Variants in YAP1 observed in about 807,000 individuals in gnomAD.
YAP1 encodes Yes1 associated transcriptional regulator.
A neutral mutation model predicts 56.9 loss-of-function variants in YAP1; 5 were observed. That is an observed-to-expected ratio of 0.09 (90% CI 0.05 to 0.18). The LOEUF is 0.18. Among genes scored for constraint, YAP1 ranks in the 10% least tolerant of loss-of-function variants. The probability of loss-of-function intolerance (pLI) is 1.00; values close to 1 mark genes in which losing one functional copy is unlikely to be tolerated. For missense variants in YAP1, 539 were observed against 651.8 expected (o/e 0.83, Z 1.88); for synonymous variants, 265 against 248.1 (o/e 1.07, Z -0.64).
intron 3 of YAP1, among the ~76,000 whole-genome samples, chr11:102,171,568 A>G (rs11225153): frequency 0.39 from 59,125 of 152,062 alleles, 12,291 homozygotes; most frequent in East Asian, 0.61. Context: ...GCTAATCTTT[A>G]ATAAATAAAC....
intron 4 of YAP1, among the ~76,000 whole-genome samples, chr11:102,189,891 A>T (rs995037280): frequency 1.3e-5 from 2 of 152,232 alleles, no homozygotes; most frequent in African/African-American, 2.4e-5. Flanking sequence ...TATCTATAAA[A>T]ATTTTGAGAC....
chr11:102,220,783 T>C (rs1357896252), intron 6 of YAP1, among the ~76,000 whole-genome samples: 1 of 152,156 alleles, frequency 6.6e-6, no homozygotes, highest in East Asian at 1.9e-4. Context: ...TCTAAGCCAG[T>C]TCTTGGGTAT....
At chr11:102,181,589 C>G (rs1390821246) in intron 3 of YAP1, among the ~76,000 whole-genome samples, 1 of 152,254 alleles carries the variant, frequency 6.6e-6, no homozygotes, top group East Asian at 1.9e-4. Flanking sequence ...GAGAAAGACT[C>G]TCTCAAAATA....
chr11:102,162,987 A>T (rs59330573), intron 3 of YAP1, among the ~76,000 whole-genome samples: 11 of 130,166 alleles, frequency 8.5e-5, no homozygotes, highest in South Asian at 2.4e-4. Context: ...TTTTTTTTTC[A>T]TTTTTTTTTT....
chr11:102,190,241 G>C (rs1013239611), intron 4 of YAP1, among the ~76,000 whole-genome samples: 1 of 152,092 alleles, frequency 6.6e-6, no homozygotes, highest in Non-Finnish European at 1.5e-5. Context: ...TGGTTATCCT[G>C]GGCTGTCAGT....
intron 7 of YAP1, among the ~76,000 whole-genome samples, chr11:102,226,246 G>A (rs1395114397): frequency 6.6e-6 from 1 of 152,102 alleles, no homozygotes. Context: ...GTGTTTTCTT[G>A]GATCTGTGTG....
At chr11:102,205,449 G>A (rs1007363061) in intron 4 of YAP1, among the ~76,000 whole-genome samples, 2 of 152,050 alleles carry the variant, frequency 1.3e-5, no homozygotes, top group Admixed American at 6.6e-5. Flanking sequence ...TATAAATAAG[G>A]TTCTCCACCT....
intron 2 of YAP1, among the ~76,000 whole-genome samples, chr11:102,117,478 A>C (rs1331172863): frequency 6.6e-6 from 1 of 152,236 alleles, no homozygotes; most frequent in Non-Finnish European, 1.5e-5. Context: ...ATGTAATTTG[A>C]GAAAAAACTT....
At chr11:102,150,236 G>A (rs889685027) in intron 2 of YAP1, among the ~76,000 whole-genome samples, 1 of 151,802 alleles carries the variant, frequency 6.6e-6, no homozygotes, top group African/African-American at 2.4e-5. Flanking sequence ...CTCCCGCCTC[G>A]GCTTCCCAAA....
At chr11:102,219,786 C>T (rs984172856) in intron 6 of YAP1, among the ~76,000 whole-genome samples, 9 of 151,836 alleles carry the variant, frequency 5.9e-5, no homozygotes, top group East Asian at 2.0e-4. Context: ...TGTTTTGAGA[C>T]AGAGTCTCGC....
chr11:102,184,783 G>T (rs539713947), intron 3 of YAP1, among the ~76,000 whole-genome samples: 1 of 152,320 alleles, frequency 6.6e-6, no homozygotes, highest in Non-Finnish European at 1.5e-5. Flanking sequence ...TTAGGCTCTG[G>T]TCATCTGTGG....
At chr11:102,134,142 G>T (rs1181141799) in intron 2 of YAP1, among the ~76,000 whole-genome samples, 1 of 152,144 alleles carries the variant, frequency 6.6e-6, no homozygotes, top group Non-Finnish European at 1.5e-5. Flanking sequence ...CCAAAACACT[G>T]TTTTAACTGA....
rs1248201627 is a variant in YAP1, at chr11:102,195,162, G to T, written c.802+9031G>T. 2.0e-5 allele frequency among the ~76,000 whole-genome samples: 3 copies of T among 152,198 alleles called. No individual in the cohort carries two copies. In the East Asian group the frequency reaches 5.8e-4, roughly 29 times the overall value. On this transcript the variant is annotated intron_variant, in intron 4 of 8. Coordinates refer to ENST00000282441, the MANE Select transcript of YAP1 (RefSeq NM_001130145.3). ...TAGCTGTGCTCTGGGGACAAAGAGA[G>T]CTGAAAGCTAATTAGAACACGTTCT...
intron 2 of YAP1, among the ~76,000 whole-genome samples, chr11:102,142,381 A>C (rs1464234488): frequency 6.6e-6 from 1 of 152,226 alleles, no homozygotes; most frequent in Non-Finnish European, 1.5e-5. Flanking sequence ...AACATATCAC[A>C]AATTGTTTAT....
chr11:102,184,222 A>T (rs1023717984), intron 3 of YAP1, among the ~76,000 whole-genome samples: 3 of 152,148 alleles, frequency 2.0e-5, no homozygotes, highest in African/African-American at 7.2e-5. Context: ...TTTTAAATAC[A>T]GTTAGTTGTT....
chr11:102,219,237 T>C (rs1443524358), intron 6 of YAP1, among the ~76,000 whole-genome samples: 1 of 152,214 alleles, frequency 6.6e-6, no homozygotes, highest in Non-Finnish European at 1.5e-5. Flanking sequence ...TACATCCTCA[T>C]ATTTTAAGAG....
At chr11:102,116,311 A>G (rs975905613) in intron 2 of YAP1, among the ~76,000 whole-genome samples, 1 of 152,168 alleles carries the variant, frequency 6.6e-6, no homozygotes, top group African/African-American at 2.4e-5. Flanking sequence ...TATATGGGAG[A>G]ATATGTATAG....
chr11:102,110,988 C>A lies in YAP1; in HGVS notation c.140C>A (p.Ala47Glu). 1.3e-6 allele frequency: 2 copies of A among 1,549,994 alleles called. No individual in the cohort carries two copies. The highest frequency in any genetic ancestry group is 1.7e-6 in the Non-Finnish European group (2 of 1,150,926). The change falls in exon 1 of 9, where the codon GCA becomes GAA. Residue 47 changes from alanine (A) to glutamate (E), a missense_variant. This residue lies in a region of YAP1 where 106 missense variants were observed against 86.6 expected (regional missense o/e 1.22). Transcript: ENST00000282441. ...APAATQAAPQ[A>E]PPAGHQIVHV... ...GCGGCGACCCAGGCGGCGCCGCAGG[C>A]ACCCCCCGCCGGGCATCAGATCGTG...
intron 2 of YAP1, among the ~76,000 whole-genome samples, chr11:102,141,304 T>A (rs950282698): frequency 6.6e-6 from 1 of 152,184 alleles, no homozygotes; most frequent in African/African-American, 2.4e-5. Context: ...TGAGAACTAT[T>A]TTCGTGTTCC....
Sources: allele counts gnomAD v4.1 joint callset (sites outside exome capture counted in the v4.1 genomes callset), GRCh38; gene constraint gnomAD v4.1.1; regional missense constraint gnomAD v4.1.1; transcripts MANE v1.5; gene names NCBI Gene and HGNC (gene_info 2026-07-23, HGNC 2026-07-21).